MBTPS1: variants seen among roughly 807,000 people sequenced by gnomAD.
MBTPS1 encodes the protein membrane-bound transcription factor site-1 protease.
A neutral mutation model predicts 127.8 loss-of-function variants in MBTPS1; 94 were observed. The ratio of observed to expected loss-of-function variants is 0.74; its 90% CI spans 0.62 to 0.87. The LOEUF (loss-of-function observed/expected upper bound fraction) is 0.87, where lower values mean the gene tolerates loss of function less well. Among genes scored for constraint, MBTPS1 ranks in the 40% least tolerant of loss-of-function variants. MBTPS1 has a pLI of 0.00. For missense variants in MBTPS1, 1,636 were observed against 1,353.2 expected (o/e 1.21, Z -3.28); for synonymous variants, 632 against 509.4 (o/e 1.24, Z -3.24).
intron 21 of MBTPS1, among the ~76,000 whole-genome samples, chr16:84,058,781 G>A (rs1488635220): frequency 1.3e-5 from 2 of 152,196 alleles, no homozygotes; most frequent in African/African-American, 4.8e-5. Flanking sequence ...ACTGCAAACA[G>A]GAGTGTGGAG....
chr16:84,083,435 A>T (rs2085970750), intron 10 of MBTPS1, among the ~76,000 whole-genome samples: 1 of 152,054 alleles, frequency 6.6e-6, no homozygotes, highest in Non-Finnish European at 1.5e-5. Flanking sequence ...CAGAGAAAGG[A>T]GGAAAGAGAT....
chr16:84,080,997 A>C (rs1433248724), intron 11 of MBTPS1, among the ~76,000 whole-genome samples: 1 of 152,238 alleles, frequency 6.6e-6, no homozygotes, highest in Non-Finnish European at 1.5e-5. Flanking sequence ...GAAACCAAGA[A>C]GACAGGACAA....
chr16:84,068,172 GCCA>G (rs1567477252), intron 15 of MBTPS1, among the ~76,000 whole-genome samples, 164 bp downstream of exon 15: 1 of 152,192 alleles, frequency 6.6e-6, no homozygotes. Flanking sequence ...ATGTCACACC[GCCA>G]CCACCTGTTT....
Position 84,081,810 on chromosome 16 carries a change from C to G in MBTPS1, c.1385G>C (p.Gly462Ala). 6.5e-7 allele frequency: 1 copy of G among 1,531,546 alleles called. No individual in the cohort carries two copies. The highest frequency in any genetic ancestry group is 1.4e-5 in the African/African-American group (1 of 71,208). 94.9% of individuals were successfully genotyped at this position (1,531,546 alleles called of 1,614,324 possible). ...RLPGVNMFEQ[G>A]HGKLDLLRAY... ...TCTGAGCAGATCGAGCTTGCCGTGG[C>G]CTTGCTCAAACATGTTGACCCCGGG... The change falls in exon 11 of 23, where the codon GGC (glycine) becomes GCC (alanine). Residue 462 changes from glycine (G) to alanine (A), a missense_variant. Coordinates refer to ENST00000343411, the MANE Select transcript of MBTPS1 (RefSeq NM_003791.4).
chr16:84,066,445 T>G (rs975656249), intron 17 of MBTPS1, 44 bp downstream of exon 17: 1 of 1,600,354 alleles, frequency 6.2e-7, no homozygotes. Context: ...GTAGAGCTTC[T>G]GCTCTCACAC....
chr16:84,088,991 G>A (rs1361529682), intron 8 of MBTPS1, among the ~76,000 whole-genome samples: 1 of 152,220 alleles, frequency 6.6e-6, no homozygotes, highest in African/African-American at 2.4e-5. Flanking sequence ...TCACAACTCT[G>A]GTAAGAAGCT....
chr16:84,114,489 C>T (rs1381714851), intron 1 of MBTPS1, among the ~76,000 whole-genome samples: 2 of 152,070 alleles, frequency 1.3e-5, no homozygotes, highest in Non-Finnish European at 2.9e-5. Context: ...ATTAGCTGGC[C>T]ACACATAGGG....
chr16:84,115,531 C>T (rs2086462212), intron 1 of MBTPS1, among the ~76,000 whole-genome samples: 1 of 152,172 alleles, frequency 6.6e-6, no homozygotes, highest in Non-Finnish European at 1.5e-5. Flanking sequence ...AGCCATACAA[C>T]TGAATATTAT....
At position 84,115,695 on chromosome 16, in the gene MBTPS1, A is replaced by G. The variant is rs111247362; in HGVS notation, c.-325+1040T>C. Among the ~76,000 whole-genome samples, 3 of 152,350 alleles carry G rather than the reference A, an allele frequency of 2.0e-5. No individual in the cohort carries two copies. In the South Asian group the frequency reaches 6.2e-4, roughly 32 times the overall value. On this transcript the variant is annotated intron_variant, in intron 1 of 22. Transcript: ENST00000343411. ...TCATTAAAGGCAAATCTAGAAAGAC[A>G]AAGTAGATGAAAGGTTGCCTGTGGC...
intron 1 of MBTPS1, among the ~76,000 whole-genome samples, chr16:84,106,754 G>A (rs1463778964): frequency 6.6e-6 from 1 of 152,202 alleles, no homozygotes; most frequent in Non-Finnish European, 1.5e-5. Flanking sequence ...CTGAGGCAGG[G>A]AGCATCTGGA....
chr16:84,086,098 T>A (rs768046256), intron 9 of MBTPS1: 11 of 152,218 alleles, frequency 7.2e-5, no homozygotes, highest in Non-Finnish European at 1.6e-4. Flanking sequence ...GGGAAGCCCT[T>A]TTCTGACCAT....
At chr16:84,094,346 ACT>A (rs1567497031) in intron 4 of MBTPS1, among the ~76,000 whole-genome samples, 1 of 152,050 alleles carries the variant, frequency 6.6e-6, no homozygotes, top group South Asian at 2.1e-4. Context: ...AATACAGCAA[ACT>A]CTGCCGCAAG....
chr16:84,079,890 A>G (rs1161865611), intron 11 of MBTPS1, among the ~76,000 whole-genome samples: 1 of 152,232 alleles, frequency 6.6e-6, no homozygotes, highest in Non-Finnish European at 1.5e-5. Flanking sequence ...CTCTGTCCGA[A>G]GAGCGCAGTA....
chr16:84,092,943 C>G (rs530920662), intron 6 of MBTPS1, among the ~76,000 whole-genome samples: 19 of 152,294 alleles, frequency 1.2e-4, no homozygotes, highest in Admixed American at 2.0e-4. Context: ...ATCAAAGAAT[C>G]GTCGTAAGTA....
chr16:84,082,603 G>A (rs988396068), intron 10 of MBTPS1, among the ~76,000 whole-genome samples: 2 of 152,086 alleles, frequency 1.3e-5, no homozygotes, highest in Admixed American at 6.5e-5. Flanking sequence ...AAATACAAGT[G>A]AATTTTAATT....
Position 84,056,002 on chromosome 16 carries a change from C to A in MBTPS1, c.2962+3G>T, listed in dbSNP as rs771102393. The A allele has an allele frequency of 1.9e-6, 3 of 1,609,982 alleles. No homozygotes were observed. In the Admixed American group the frequency reaches 5.0e-5, roughly 27 times the overall value. ...CACAATCACAAAGCAGCCGAGAACT[C>A]ACCTCCAGGAATGTCCCAGGCGCCG... On this transcript the variant is annotated splice_donor_region_variant and intron_variant, in intron 22 of 22. Transcript: ENST00000343411.
At chr16:84,109,815 G>A (rs1031904489) in intron 1 of MBTPS1, among the ~76,000 whole-genome samples, 2 of 152,184 alleles carry the variant, frequency 1.3e-5, no homozygotes, top group Non-Finnish European at 1.5e-5. Context: ...AAGCCTGCCC[G>A]TGGATCAGAT....
intron 11 of MBTPS1, among the ~76,000 whole-genome samples, chr16:84,080,213 G>A (rs991123491): frequency 5.9e-5 from 9 of 152,304 alleles, no homozygotes; most frequent in African/African-American, 2.2e-4. Context: ...CCACACTGAT[G>A]TAAAGAACTG....
intron 22 of MBTPS1, 70 bp downstream of exon 22, chr16:84,055,935 G>GT: frequency 6.5e-7 from 1 of 1,543,354 alleles, no homozygotes; most frequent in Non-Finnish European, 8.8e-7. Flanking sequence ...GCCTCCTGGG[G>GT]AGGGAGGGAG....
Sources: gnomAD v4.1 joint callset for allele counts (sites outside exome capture counted in the v4.1 genomes callset) on GRCh38, gnomAD v4.1.1 for gene constraint, MANE v1.5 for transcripts, NCBI Gene and HGNC (gene_info 2026-07-23, HGNC 2026-07-21) for gene names.